Variants in ADCY1 observed in about 807,000 individuals in gnomAD.
ADCY1 encodes the protein adenylate cyclase 1, also known as adenylate cyclase type 1.
ADCY1 carries 28 observed loss-of-function variants against 105.4 expected under a neutral mutation model. That is an observed-to-expected ratio of 0.27 (90% CI 0.20 to 0.36). ADCY1 has a LOEUF of 0.36. Among genes scored for constraint, ADCY1 ranks in the 10% least tolerant of loss-of-function variants. The pLI is 1.00. For missense variants in ADCY1, 977 were observed against 1,434.2 expected, an observed-to-expected ratio of 0.68 and a Z score of 5.15; for synonymous variants, 655 against 623.8, an observed-to-expected ratio of 1.05 and a Z score of -0.75.
At chr7:45,608,557 A>C (rs1477203624) in intron 2 of ADCY1, among the ~76,000 whole-genome samples, 1 of 152,182 alleles carries the variant, frequency 6.6e-6, no homozygotes, top group African/African-American at 2.4e-5. Context: ...GCCACGGCTG[A>C]GTTGTCCACG....
intron 4 of ADCY1, among the ~76,000 whole-genome samples, chr7:45,633,988 G>A (rs1282474422): frequency 6.6e-6 from 1 of 152,084 alleles, no homozygotes; most frequent in Non-Finnish European, 1.5e-5. Context: ...TTTGGGGGTA[G>A]TCAAAAGTTA....
chr7:45,716,799 G>A lies in ADCY1; in HGVS notation c.*2804G>A, dbSNP rs748525313. The stretch of plus-strand genomic sequence containing the variant: ...GAGGGGAACTTGGTTTATCTGGGTG[G>A]GCTCAGTGACCCCTTGGAATGGCTG... On this transcript the variant is annotated 3_prime_UTR_variant, in exon 20 of 20. Transcript: ENST00000297323. The A allele has an allele frequency of 2.4e-4, 36 of 152,340 alleles. No homozygotes were observed. Among genetic ancestry groups the A allele is most frequent in the Non-Finnish European group, 4.3e-4 (29 of 68,134 alleles). The allele number at this position is 152,340 out of a possible 1,614,324, so 9.4% of individuals were successfully genotyped here.
In ADCY1 at chr7:45,579,599, TACAGCG is replaced by T. The variant is rs1792462050; in HGVS notation, c.639+4422_639+4427del. On this transcript the variant is annotated intron_variant, in intron 1 of 19. Transcript: ENST00000297323. ...CATCTGCCTTGGTGGAGCCACTGCCTACAGCGACAGGGCTAGGGTTAGAGCCGGGTC... is the reference window on the plus strand; with the variant it reads ...CATCTGCCTTGGTGGAGCCACTGCCTACAGGGCTAGGGTTAGAGCCGGGTC... Among the ~76,000 whole-genome samples the T allele has an allele frequency of 2.0e-5, 3 of 152,292 alleles. No homozygotes were observed. In the South Asian group the frequency reaches 6.2e-4, roughly 32 times the overall value.
chr7:45,706,902 G>A (rs1325932726), intron 17 of ADCY1, among the ~76,000 whole-genome samples: 1 of 152,102 alleles, frequency 6.6e-6, no homozygotes, highest in African/African-American at 2.4e-5. Context: ...CAAACAATTC[G>A]AACAGGCACC....
intron 3 of ADCY1, among the ~76,000 whole-genome samples, chr7:45,616,393 A>G (rs1249606779): frequency 2.6e-5 from 4 of 152,236 alleles, no homozygotes; most frequent in African/African-American, 7.2e-5. Context: ...AATATCCCTG[A>G]TAAATATAGA....
intron 3 of ADCY1, among the ~76,000 whole-genome samples, chr7:45,610,726 G>C (rs1301730641): frequency 4.0e-5 from 6 of 150,968 alleles, no homozygotes; most frequent in African/African-American, 4.9e-5. Flanking sequence ...GTGAGGAGGG[G>C]ATAGTGGAGG....
At chr7:45,585,439 C>CTTTT (rs56193100) in intron 1 of ADCY1, among the ~76,000 whole-genome samples, 2 of 121,110 alleles carry the variant, frequency 1.7e-5, no homozygotes, top group African/African-American at 3.1e-5. Context: ...GTGGGTACAT[C>CTTTT]TTTTTTTTTT....
At position 45,620,671 on chromosome 7, in the gene ADCY1, A is replaced by G. The variant is rs189731943; in HGVS notation, c.909-1961A>G. 1.3e-3 allele frequency among the ~76,000 whole-genome samples: 201 copies of G among 152,328 alleles called. 1 individual carries two copies. Among genetic ancestry groups the G allele is most frequent in the African/African-American group, 4.6e-3 (192 of 41,568 alleles). On this transcript the variant is annotated intron_variant, in intron 3 of 19. Coordinates refer to ENST00000297323, the MANE Select transcript of ADCY1 (RefSeq NM_021116.4). Reference sequence around the variant, plus strand: ...GTCAAAAACTAAAGATATGAGAACAATTTTGAAAGCAGCAAGAGAAAAACG... The same window carrying G: ...GTCAAAAACTAAAGATATGAGAACAGTTTTGAAAGCAGCAAGAGAAAAACG...
Position 45,708,967 on chromosome 7 carries a change from TG to T in ADCY1, c.2932+504del, listed in dbSNP as rs1431334610. Among the ~76,000 whole-genome samples the T allele has an allele frequency of 6.8e-6, 1 of 147,864 alleles. No homozygotes were observed. Among genetic ancestry groups the T allele is most frequent in the East Asian group, 2.0e-4 (1 of 5,120 alleles). On this transcript the variant is annotated intron_variant, in intron 18 of 19. Coordinates refer to ENST00000297323, the MANE Select transcript of ADCY1 (RefSeq NM_021116.4). This position sits in a 1 kb window ranked among gnomAD's most constrained non-coding sequence, Gnocchi z 4.7. ...TAGCTTTTATAAAACTATGATTTGT[TG>T]TTTTTTTTTTTAATCATAAATTCAC...
intron 2 of ADCY1, among the ~76,000 whole-genome samples, chr7:45,602,444 C>T (rs1389255011): frequency 6.6e-6 from 1 of 152,104 alleles, no homozygotes. Context: ...CTCCCAGAGC[C>T]CTGGCTGTTC....
Position 45,673,964 on chromosome 7 carries a change from CATATATATATATATAT to C in ADCY1, c.1606-3876_1606-3861del, listed in dbSNP as rs58025464. Among the ~76,000 whole-genome samples, 985 of 115,114 alleles carry C rather than the reference CATATATATATATATAT, an allele frequency of 8.6e-3. 13 individuals are homozygous for C. Among genetic ancestry groups the C allele is most frequent in the East Asian group, 0.033 (135 of 4,086 alleles). 75.5% of individuals were successfully genotyped at this position (115,114 alleles called of 152,430 possible). A position where few individuals can be genotyped will look rare whatever the true frequency, so the allele number is the denominator to read the frequency against. ...TTTGGCATATGTTCATTCAGATGAG[CATATATATATATATAT>C]ATATATATATATATATATATATATA... On this transcript the variant is annotated intron_variant, in intron 8 of 19. Transcript: ENST00000297323.
intron 4 of ADCY1, among the ~76,000 whole-genome samples, chr7:45,637,512 A>G (rs1371506105): frequency 6.6e-6 from 1 of 152,160 alleles, no homozygotes; most frequent in Non-Finnish European, 1.5e-5. Context: ...ACTTGAGGCC[A>G]GGAGTTTGAG....
intron 3 of ADCY1, among the ~76,000 whole-genome samples, chr7:45,612,553 G>A (rs1793619663): frequency 6.6e-6 from 1 of 152,160 alleles, no homozygotes; most frequent in Admixed American, 6.5e-5. Context: ...TACCTCGAGG[G>A]GAGCCAGAGC....
chr7:45,720,513 C>CAAAA lies in ADCY1; in HGVS notation c.*6531_*6534dup, dbSNP rs397889997. On this transcript the variant is annotated 3_prime_UTR_variant, in exon 20 of 20. Coordinates refer to ENST00000297323, the MANE Select transcript of ADCY1 (RefSeq NM_021116.4). ...CCTGGGCGACAGAGCAAGACTCTCT[C>CAAAA]AAAAAAAAAAAAAAAAGAAAGAAAG... The CAAAA allele has an allele frequency of 8.9e-6, 1 of 112,682 alleles. No homozygotes were observed. The highest frequency in any genetic ancestry group is 1.9e-5 in the Non-Finnish European group (1 of 52,516). The allele number at this position is 112,682 out of a possible 1,614,324, so 7.0% of individuals were successfully genotyped here.
At chr7:45,581,005 G>T (rs966126777) in intron 1 of ADCY1, among the ~76,000 whole-genome samples, 2 of 152,202 alleles carry the variant, frequency 1.3e-5, no homozygotes, top group African/African-American at 2.4e-5. Flanking sequence ...TCCTGCAGAT[G>T]CCCAGAAATG....
Position 45,714,121 on chromosome 7 carries a change from G to A in ADCY1, c.*126G>A. 1 of 611,386 alleles carries A rather than the reference G, an allele frequency of 1.6e-6. No individual in the cohort carries two copies. Among genetic ancestry groups the A allele is most frequent in the Non-Finnish European group, 2.9e-6 (1 of 342,690 alleles). 37.9% of individuals were successfully genotyped at this position (611,386 alleles called of 1,614,324 possible). ...CAGGGAGCCACTTGCCAGGGTGGAGGAGGAGCATTGTCCAGGCATGGCCTG... is the reference window on the plus strand; with the variant it reads ...CAGGGAGCCACTTGCCAGGGTGGAGAAGGAGCATTGTCCAGGCATGGCCTG... On this transcript the variant is annotated 3_prime_UTR_variant, in exon 20 of 20. Transcript: ENST00000297323.
intron 14 of ADCY1, among the ~76,000 whole-genome samples, chr7:45,687,167 A>G (rs1321925612): frequency 6.6e-6 from 1 of 152,148 alleles, no homozygotes; most frequent in African/African-American, 2.4e-5. Context: ...ATTCTGACAC[A>G]AGAGGCATAA....
chr7:45,670,246 A>G (rs1435737015), intron 8 of ADCY1, among the ~76,000 whole-genome samples: 1 of 152,100 alleles, frequency 6.6e-6, no homozygotes, highest in African/African-American at 2.4e-5. Flanking sequence ...ATTTTCAGAG[A>G]TGTGTGTATC....
chr7:45,685,474 T>G (rs1784653496), intron 12 of ADCY1, among the ~76,000 whole-genome samples: 1 of 147,652 alleles, frequency 6.8e-6, no homozygotes, highest in African/African-American at 2.5e-5. Flanking sequence ...AGGATAGAAG[T>G]GGGGCAGGAG....
Sources: allele counts gnomAD v4.1 joint callset (sites outside exome capture counted in the v4.1 genomes callset), GRCh38; gene constraint gnomAD v4.1.1; non-coding constraint Gnocchi (gnomAD v3.1); transcripts MANE v1.5; gene names NCBI Gene and HGNC (gene_info 2026-07-23, HGNC 2026-07-21).